The following CMIP variants were observed in gnomAD, a reference collection of about 807,000 sequenced individuals.
The protein encoded by CMIP is c-Maf inducing protein, also known as C-Maf-inducing protein.
A neutral mutation model predicts 97.3 loss-of-function variants in CMIP; 13 were observed. The observed-to-expected ratio is 0.13, with a 90% CI of 0.09 to 0.21. CMIP has a LOEUF of 0.21. Among genes scored for constraint, CMIP ranks in the 10% least tolerant of loss-of-function variants. CMIP has a pLI of 1.00. For synonymous variants in CMIP, 538 were observed against 436.3 expected (o/e 1.23, Z -2.91); for missense variants, 847 against 1,024.9 (o/e 0.83, Z 2.37).
chr16:81,643,936 G>A (rs985233051), intron 3 of CMIP, among the ~76,000 whole-genome samples: 5 of 152,250 alleles, frequency 3.3e-5, no homozygotes, highest in Non-Finnish European at 5.9e-5. Flanking sequence ...CCAGAGTGAT[G>A]GGCTGTGACT....
At chr16:81,477,050 C>T (rs565261460) in intron 1 of CMIP, among the ~76,000 whole-genome samples, 42 of 152,004 alleles carry the variant, frequency 2.8e-4, no homozygotes, top group Non-Finnish European at 4.4e-4. Flanking sequence ...TAATTCATGC[C>T]GCGTTGAGCT....
intron 2 of CMIP, among the ~76,000 whole-genome samples, chr16:81,609,430 G>C (rs781299302): frequency 6.6e-6 from 1 of 152,236 alleles, no homozygotes; most frequent in Non-Finnish European, 1.5e-5. Flanking sequence ...CGGAGAGGTA[G>C]GGTAGCCAGA....
intron 5 of CMIP, among the ~76,000 whole-genome samples, chr16:81,659,526 GA>G (rs2092521968): frequency 6.6e-6 from 1 of 152,136 alleles, no homozygotes; most frequent in Non-Finnish European, 1.5e-5. Flanking sequence ...CAGGCAGGGG[GA>G]CTTACATGTG....
chr16:81,693,352 C>G lies in CMIP; in HGVS notation c.1482-87C>G. Reference sequence around the variant, plus strand: ...GCCTTGCCCAGCTCCCTGGCCCGTTCTTCCTTGACACCATCCCCTCCCCTT... The same window carrying G: ...GCCTTGCCCAGCTCCCTGGCCCGTTGTTCCTTGACACCATCCCCTCCCCTT... On this transcript the variant is annotated intron_variant, in intron 12 of 20. Transcript: ENST00000537098. 4.5e-6 allele frequency: 7 copies of G among 1,545,690 alleles called. No individual in the cohort carries two copies. The South Asian group carries it at 4.7e-5, about 10-fold the overall frequency.
chr16:81,688,930 A>G (rs900873605), intron 10 of CMIP, among the ~76,000 whole-genome samples: 3 of 152,102 alleles, frequency 2.0e-5, no homozygotes, highest in Non-Finnish European at 2.9e-5. Flanking sequence ...TCCTTGCGAT[A>G]GTTTGCTCAG....
At chr16:81,577,526 T>G (rs1243080774) in intron 1 of CMIP, among the ~76,000 whole-genome samples, 9 of 145,764 alleles carry the variant, frequency 6.2e-5, no homozygotes, top group African/African-American at 2.1e-4. Flanking sequence ...ATCACCACCA[T>G]CATCCCCATT....
intron 1 of CMIP, among the ~76,000 whole-genome samples, chr16:81,512,022 A>G (rs1343528902): frequency 6.6e-6 from 1 of 152,078 alleles, no homozygotes; most frequent in South Asian, 2.1e-4. Context: ...GTATCTCACT[A>G]CTCATTTTTT....
intron 4 of CMIP, among the ~76,000 whole-genome samples, chr16:81,656,534 G>A (rs1487703780): frequency 2.6e-5 from 4 of 152,236 alleles, no homozygotes; most frequent in Admixed American, 2.6e-4. Context: ...GAGTTTTCCT[G>A]TGATTCCTTG....
At chr16:81,459,294 A>G (rs1906760866) in intron 1 of CMIP, among the ~76,000 whole-genome samples, 1 of 151,970 alleles carries the variant, frequency 6.6e-6, no homozygotes, top group Non-Finnish European at 1.5e-5. Context: ...TTTCTTGGAA[A>G]CCTTCTGGTG....
chr16:81,533,867 C>G (rs975558981), intron 1 of CMIP: 1 of 152,290 alleles, frequency 6.6e-6, no homozygotes. Context: ...GCAGGGAACA[C>G]TAGTCAGAAG....
intron 1 of CMIP, among the ~76,000 whole-genome samples, chr16:81,467,360 A>G (rs1183837879): frequency 6.6e-6 from 1 of 152,298 alleles, no homozygotes; most frequent in South Asian, 2.1e-4. Flanking sequence ...AGCAGCCTCT[A>G]TAGCAGTGCC....
intron 1 of CMIP, chr16:81,519,569 G>C (rs2089980479): frequency 6.6e-6 from 1 of 152,276 alleles, no homozygotes; most frequent in Admixed American, 6.5e-5. Context: ...GACCAGACAG[G>C]GTTGGAATCT....
intron 1 of CMIP, among the ~76,000 whole-genome samples, chr16:81,575,662 A>G (rs192731605): frequency 4.6e-5 from 7 of 152,162 alleles, no homozygotes; most frequent in East Asian, 3.9e-4. Flanking sequence ...GTTACTGCCA[A>G]CGGGACAGCA....
chr16:81,676,604 G>A (rs921154303), intron 9 of CMIP, among the ~76,000 whole-genome samples: 4 of 152,314 alleles, frequency 2.6e-5, no homozygotes, highest in African/African-American at 9.6e-5. Flanking sequence ...CACACAAGTT[G>A]TTATCAACGA....
At chr16:81,698,161 G>A (rs982621304) in intron 14 of CMIP, 8 of 152,250 alleles carry the variant, frequency 5.3e-5, no homozygotes, top group African/African-American at 1.9e-4. Context: ...ATGGAAGTGT[G>A]TTGTTGCCAT....
intron 6 of CMIP, among the ~76,000 whole-genome samples, chr16:81,661,388 C>T (rs2092544668): frequency 6.6e-6 from 1 of 152,262 alleles, no homozygotes; most frequent in South Asian, 2.1e-4. Flanking sequence ...CTGCCGGGCA[C>T]CCGGCGCCAG....
chr16:81,535,399 CTG>C (rs2090322604), intron 1 of CMIP, among the ~76,000 whole-genome samples: 1 of 151,214 alleles, frequency 6.6e-6, no homozygotes, highest in Non-Finnish European at 1.5e-5. Context: ...TTCTCGTGGG[CTG>C]TGTCTCATGA....
intron 1 of CMIP, among the ~76,000 whole-genome samples, chr16:81,571,587 CAAAAAAAAA>C (rs397854647): frequency 1.1e-3 from 97 of 87,476 alleles, no homozygotes; most frequent in African/African-American, 4.4e-3. Flanking sequence ...TCATCTCTAC[CAAAAAAAAA>C]AAAAAAAAAA....
At position 81,664,335 on chromosome 16, in the gene CMIP, C is replaced by T. The variant is rs1193559275; in HGVS notation, c.811C>T (p.Leu271Phe). ...GTTCACCCCCGTGGTGCAGCGAATC[C>T]TCAAGCATAACATGGTGAGTCACCC... ...EVFTPVVQRI[L>F]KHNMDFGKCP... The change falls in exon 7 of 21, where the codon CTC (leucine) becomes TTC (phenylalanine). Residue 271 changes from leucine to phenylalanine, a missense_variant. Coordinates refer to ENST00000537098, the MANE Select transcript of CMIP (RefSeq NM_198390.3). 6.3e-7 allele frequency: 1 copy of T among 1,596,192 alleles called. No individual in the cohort carries two copies. Among genetic ancestry groups the T allele is most frequent in the Non-Finnish European group, 8.5e-7 (1 of 1,172,106 alleles).
Sources: gnomAD v4.1 joint callset for allele counts (sites outside exome capture counted in the v4.1 genomes callset) on GRCh38, gnomAD v4.1.1 for gene constraint, MANE v1.5 for transcripts, NCBI Gene and HGNC (gene_info 2026-07-23, HGNC 2026-07-21) for gene names.